SRGAP2: variants seen among roughly 807,000 people sequenced by gnomAD.
SRGAP2 encodes the protein SLIT-ROBO Rho GTPase activating protein 2.
In SRGAP2, 15 loss-of-function variants were observed where a neutral mutation model predicts 57.2. That is an observed-to-expected ratio of 0.26 (90% CI 0.18 to 0.40). The LOEUF (loss-of-function observed/expected upper bound fraction) is 0.40, where lower values mean the gene tolerates loss of function less well. Among genes scored for constraint, SRGAP2 ranks in the 10% least tolerant of loss-of-function variants. The pLI, the probability that SRGAP2 is intolerant of heterozygous loss-of-function variation, is 1.00. For missense variants in SRGAP2, 520 were observed against 669.6 expected, an observed-to-expected ratio of 0.78 and a Z score of 2.47; for synonymous variants, 249 against 248.0, an observed-to-expected ratio of 1.00 and a Z score of -0.04.
chr1:206,370,837 A>G (rs1273199694), intron 4 of SRGAP2, among the ~76,000 whole-genome samples: 2 of 135,724 alleles, frequency 1.5e-5, no homozygotes, highest in African/African-American at 5.5e-5. Context: ...ATCAAGTAGC[A>G]GATTAGATGG....
rs184147168 is a variant in SRGAP2, at chr1:206,461,303, G to A, written c.3099G>A (p.Pro1033=). Reference sequence around the variant, plus strand: ...TCAAGTCTGTCAAGATGGCTGCCCCGGTCAAACCACCAGCCACACGGCCCA... The same window carrying A: ...TCAAGTCTGTCAAGATGGCTGCCCCAGTCAAACCACCAGCCACACGGCCCA... ...RPVKSVKMAA[P]VKPPATRPKP... Residue 1033 remains proline (P), a synonymous_variant, in exon 23 of 23, where the codon CCG becomes CCA. Transcript: ENST00000573034. 2.5e-3 allele frequency: 1,920 copies of A among 780,878 alleles called. 10 individuals are homozygous for A. Among genetic ancestry groups the A allele is most frequent in the Non-Finnish European group, 1.4e-3 (599 of 417,992 alleles). The allele number at this position is 780,878 out of a possible 1,614,324, so 48.4% of individuals were successfully genotyped here.
At chr1:206,417,620 A>G (rs1416429822) in intron 11 of SRGAP2, among the ~76,000 whole-genome samples, 1 of 151,294 alleles carries the variant, frequency 6.6e-6, no homozygotes, top group Non-Finnish European at 1.5e-5. Flanking sequence ...AGGTTTCACC[A>G]TCTGGGCCAG....
chr1:206,356,682 A>G (rs1166552415), intron 4 of SRGAP2, among the ~76,000 whole-genome samples: 4 of 150,390 alleles, frequency 2.7e-5, no homozygotes, highest in African/African-American at 4.9e-5. Flanking sequence ...TTTTCCTTTG[A>G]ATTCCTCCCT....
At chr1:206,230,719 C>G (rs1391077060) in intron 2 of SRGAP2, among the ~76,000 whole-genome samples, 4 of 140,850 alleles carry the variant, frequency 2.8e-5, no homozygotes, top group Non-Finnish European at 6.2e-5. Flanking sequence ...CTCCACCTCC[C>G]GGGTTCAAGC....
intron 2 of SRGAP2, among the ~76,000 whole-genome samples, chr1:206,290,428 C>G (rs1671244653): frequency 6.6e-6 from 1 of 152,058 alleles, no homozygotes; most frequent in South Asian, 2.1e-4. Flanking sequence ...AGGTGGATCA[C>G]CAGAGGTCAG....
intron 3 of SRGAP2, among the ~76,000 whole-genome samples, chr1:206,324,451 C>T (rs1553329065): frequency 6.6e-6 from 1 of 152,180 alleles, no homozygotes; most frequent in Non-Finnish European, 1.5e-5. Context: ...GTCCTTATGT[C>T]CTTTTCATAT....
chr1:206,208,299 A>G (rs1666088076), intron 2 of SRGAP2: 1 of 150,824 alleles, frequency 6.6e-6, no homozygotes, highest in South Asian at 2.1e-4. Flanking sequence ...GATAATGATA[A>G]TAGATTACAT....
chr1:206,447,600 A>G (rs1229208758), intron 18 of SRGAP2, among the ~76,000 whole-genome samples: 1 of 152,182 alleles, frequency 6.6e-6, no homozygotes, highest in Non-Finnish European at 1.5e-5. Context: ...TGGTCACTTT[A>G]GGTCTCAGCC....
At chr1:206,370,456 G>A (rs182942943) in intron 4 of SRGAP2, among the ~76,000 whole-genome samples, 1 of 152,254 alleles carries the variant, frequency 6.6e-6, no homozygotes. Context: ...CTACAATATG[G>A]ATATACCCTG....
chr1:206,389,315 C>T (rs1356216255), intron 5 of SRGAP2, among the ~76,000 whole-genome samples: 6 of 150,952 alleles, frequency 4.0e-5, no homozygotes, highest in African/African-American at 1.5e-4. Flanking sequence ...GCTGGGACTA[C>T]AGGCACCCGC....
chr1:206,460,943 A>G (rs1664214677), intron 22 of SRGAP2, 94 bp from the exon 23 acceptor site: 1 of 613,558 alleles, frequency 1.6e-6, no homozygotes, highest in Non-Finnish European at 2.9e-6. Flanking sequence ...TCTTACGGTC[A>G]TTTTCTTCAT....
At chr1:206,397,086 G>A (rs1657670099) in intron 7 of SRGAP2, among the ~76,000 whole-genome samples, 3 of 151,582 alleles carry the variant, frequency 2.0e-5, no homozygotes, top group Admixed American at 6.6e-5. Context: ...AGTTTCTCTT[G>A]TCTCTTCCCA....
At chr1:206,260,921 G>A (rs1292857206) in intron 2 of SRGAP2, among the ~76,000 whole-genome samples, 3 of 152,196 alleles carry the variant, frequency 2.0e-5, no homozygotes, top group African/African-American at 7.2e-5. Context: ...TCGTATTCAC[G>A]AGTGCAACAT....
At position 206,205,963 on chromosome 1, in the gene SRGAP2, A is replaced by G; in HGVS notation, c.-8A>G. The G allele has an allele frequency of 6.5e-7, 1 of 1,539,664 alleles. No individual in the cohort carries two copies. The highest frequency in any genetic ancestry group is 8.8e-7 in the Non-Finnish European group (1 of 1,142,420). ...TCACAATTCGAATTTGGAAGAAAGA[A>G]GGAAAACATGACGTCTCCAGCCAAA... On this transcript the variant is annotated 5_prime_UTR_variant, in exon 2 of 23. Transcript: ENST00000573034.
intron 18 of SRGAP2, among the ~76,000 whole-genome samples, chr1:206,447,610 C>G (rs1662876983): frequency 6.6e-6 from 1 of 152,198 alleles, no homozygotes; most frequent in Admixed American, 6.5e-5. Context: ...AGGTCTCAGC[C>G]TACTGGATGA....
intron 14 of SRGAP2, among the ~76,000 whole-genome samples, chr1:206,436,541 A>C (rs1661777265): frequency 6.6e-6 from 1 of 151,428 alleles, no homozygotes; most frequent in South Asian, 2.1e-4. Flanking sequence ...TTTTTTAGAG[A>C]CAGGGTCTCA....
chr1:206,310,559 T>G (rs1241149022), intron 3 of SRGAP2, among the ~76,000 whole-genome samples: 4 of 152,214 alleles, frequency 2.6e-5, no homozygotes, highest in Non-Finnish European at 5.9e-5. Flanking sequence ...GCTGATGAGT[T>G]CTGCCCTTAT....
intron 11 of SRGAP2, among the ~76,000 whole-genome samples, chr1:206,418,132 G>A (rs903350791): frequency 9.9e-5 from 15 of 151,968 alleles, no homozygotes; most frequent in Non-Finnish European, 1.5e-4. Flanking sequence ...ATCTTTCTGT[G>A]TGCAAGTCAT....
At chr1:206,412,634 C>G (rs1391898857) in intron 10 of SRGAP2, among the ~76,000 whole-genome samples, 5 of 152,112 alleles carry the variant, frequency 3.3e-5, no homozygotes, top group Non-Finnish European at 2.9e-5. Flanking sequence ...CAGCCCTTTT[C>G]CTGGCCCCCG....
Sources: gnomAD v4.1 joint callset for allele counts (sites outside exome capture counted in the v4.1 genomes callset) on GRCh38, gnomAD v4.1.1 for gene constraint, MANE v1.5 for transcripts, NCBI Gene and HGNC (gene_info 2026-07-23, HGNC 2026-07-21) for gene names.